Variants in AMOTL1 observed in about 807,000 individuals in gnomAD.
AMOTL1 encodes the protein angiomotin like 1.
AMOTL1 carries 45 observed loss-of-function variants against 102.9 expected under a neutral mutation model. That is an observed-to-expected ratio of 0.44 (90% confidence interval 0.34 to 0.56). AMOTL1 has a LOEUF of 0.56. Ranked by LOEUF, AMOTL1 falls within the 20% of genes least tolerant of loss-of-function variation. The probability of loss-of-function intolerance (pLI) is 0.01; values close to 1 mark genes in which losing one functional copy is unlikely to be tolerated. For missense variants in AMOTL1, 1,114 were observed against 1,225.6 expected (o/e 0.91, Z 1.36); for synonymous variants, 481 against 484.7 (o/e 0.99, Z 0.10).
chr11:94,728,758 A>C (rs950398543), intron 1 of AMOTL1, among the ~76,000 whole-genome samples: 4 of 152,202 alleles, frequency 2.6e-5, no homozygotes, highest in African/African-American at 7.2e-5. Context: ...GGGCTTGAGC[A>C]ACTTCACACT....
At chr11:94,770,048 T>C (rs1267362623) in intron 1 of AMOTL1, among the ~76,000 whole-genome samples, 6 of 152,158 alleles carry the variant, frequency 3.9e-5, no homozygotes, top group African/African-American at 1.4e-4. Flanking sequence ...GCTTGAAATA[T>C]TAAACAATCA....
chr11:94,787,620 G>A (rs1204560878), intron 1 of AMOTL1, among the ~76,000 whole-genome samples: 3 of 139,854 alleles, frequency 2.1e-5, no homozygotes, highest in African/African-American at 5.3e-5. Flanking sequence ...CCCGGGAGGC[G>A]GAGCTTGCAG....
At chr11:94,802,371 T>G (rs1565358611) in intron 3 of AMOTL1, among the ~76,000 whole-genome samples, 1 of 152,224 alleles carries the variant, frequency 6.6e-6, no homozygotes, top group Non-Finnish European at 1.5e-5. Context: ...CCTCTAGAGC[T>G]TGATAGAGGG....
At chr11:94,753,825 A>G (rs1950687663) in intron 3 of AMOTL1, among the ~76,000 whole-genome samples, 1 of 152,222 alleles carries the variant, frequency 6.6e-6, no homozygotes, top group African/African-American at 2.4e-5. Context: ...TGACTCACTC[A>G]CAATACTGCC....
At position 94,850,065 on chromosome 11, in the gene AMOTL1, G is replaced by T. The variant is rs751321856; in HGVS notation, c.1649-49G>T. 3.2e-6 allele frequency: 5 copies of T among 1,549,316 alleles called. No individual in the cohort carries two copies. The South Asian group carries it at 6.0e-5, about 19-fold the overall frequency. ...GATGTCGACTGGCCGTGAGCCCAGAGGGTGTGCAATTTCTGATAGAGGTAG... is the reference window on the plus strand; with the variant it reads ...GATGTCGACTGGCCGTGAGCCCAGATGGTGTGCAATTTCTGATAGAGGTAG... On this transcript the variant is annotated intron_variant, in intron 6 of 12. Coordinates refer to ENST00000433060, the MANE Select transcript of AMOTL1 (RefSeq NM_130847.3).
Position 94,830,924 on chromosome 11 carries a change from G to A in AMOTL1, c.1559-528G>A, listed in dbSNP as rs376737203. Among the ~76,000 whole-genome samples, 46 of 152,262 alleles carry A rather than the reference G, an allele frequency of 3.0e-4. No homozygotes were observed. The East Asian group carries it at 7.9e-3, about 26-fold the overall frequency. On this transcript the variant is annotated intron_variant, in intron 5 of 12. Transcript: ENST00000433060. ...GCATCCAGTGAATACTTGTTGAGTTGGATTATTTATTGAATAATTAAAGAT... is the reference window on the plus strand; with the variant it reads ...GCATCCAGTGAATACTTGTTGAGTTAGATTATTTATTGAATAATTAAAGAT...
At chr11:94,755,429 T>G (rs1950710463) in intron 3 of AMOTL1, among the ~76,000 whole-genome samples, 1 of 152,166 alleles carries the variant, frequency 6.6e-6, no homozygotes, top group African/African-American at 2.4e-5. Flanking sequence ...TGCTAGAACA[T>G]CTTCTGAGCA....
chr11:94,724,410 G>A (rs144896187), intron 1 of AMOTL1, among the ~76,000 whole-genome samples: 2 of 152,266 alleles, frequency 1.3e-5, no homozygotes, highest in Non-Finnish European at 2.9e-5. Context: ...GTTAAAAAAT[G>A]TAATGGGCTA....
intron 1 of AMOTL1, among the ~76,000 whole-genome samples, chr11:94,776,236 G>A (rs1246460704): frequency 2.0e-5 from 3 of 152,184 alleles, no homozygotes; most frequent in Admixed American, 2.0e-4. Flanking sequence ...TGTCTCCTTT[G>A]AAAGTGTTCT....
chr11:94,761,021 G>A (rs1487878232), intron 3 of AMOTL1, among the ~76,000 whole-genome samples: 4 of 151,962 alleles, frequency 2.6e-5, no homozygotes, highest in African/African-American at 7.3e-5. Flanking sequence ...CGATCTTCCC[G>A]TCTTGGCCTC....
intron 4 of AMOTL1, among the ~76,000 whole-genome samples, chr11:94,828,591 T>G (rs1437453226): frequency 6.6e-6 from 1 of 152,178 alleles, no homozygotes; most frequent in Non-Finnish European, 1.5e-5. Flanking sequence ...CTTTGTAATA[T>G]TTACAGGCCA....
intron 8 of AMOTL1, 95 bp downstream of exon 8, chr11:94,854,177 C>G: frequency 7.2e-7 from 1 of 1,398,268 alleles, no homozygotes; most frequent in Non-Finnish European, 9.4e-7. Context: ...GCACCTTGCT[C>G]CCAGGATTCA....
chr11:94,756,336 C>A (rs1017386229), intron 3 of AMOTL1, among the ~76,000 whole-genome samples: 37 of 152,212 alleles, frequency 2.4e-4, no homozygotes, highest in Admixed American at 2.1e-3. Context: ...TTGCCAGGGA[C>A]CCCGCCCTTC....
At chr11:94,777,953 T>C (rs1327450346) in intron 1 of AMOTL1, among the ~76,000 whole-genome samples, 1 of 152,206 alleles carries the variant, frequency 6.6e-6, no homozygotes, top group Non-Finnish European at 1.5e-5. Context: ...TGCCAGGAAC[T>C]GGGCTAGGTG....
chr11:94,739,035 G>C (rs1950479724), intron 2 of AMOTL1, among the ~76,000 whole-genome samples: 1 of 152,228 alleles, frequency 6.6e-6, no homozygotes. Context: ...TGGGAAAAGT[G>C]ACAGTGAATC....
chr11:94,793,793 T>A (rs1447208167), intron 1 of AMOTL1, among the ~76,000 whole-genome samples: 1 of 152,266 alleles, frequency 6.6e-6, no homozygotes, highest in African/African-American at 2.4e-5. Flanking sequence ...TATAGTATCA[T>A]CCGTACTCGG....
At chr11:94,740,832 G>A in intron 2 of AMOTL1, 1 of 931,812 alleles carries the variant, frequency 1.1e-6, no homozygotes, top group Non-Finnish European at 1.5e-6. Context: ...CGCTGGGAGA[G>A]AGAAGCCCGC....
chr11:94,846,816 T>A (rs1952423478), intron 6 of AMOTL1, among the ~76,000 whole-genome samples: 1 of 152,194 alleles, frequency 6.6e-6, no homozygotes, highest in Non-Finnish European at 1.5e-5. Context: ...CCCTTTTTTT[T>A]AGTGGCATTT....
intron 4 of AMOTL1, among the ~76,000 whole-genome samples, chr11:94,827,326 A>G (rs1565370317): frequency 6.6e-6 from 1 of 152,208 alleles, no homozygotes; most frequent in East Asian, 1.9e-4. Context: ...CACCACTCTC[A>G]TGGTGGATGC....
Sources: allele counts gnomAD v4.1 joint callset (sites outside exome capture counted in the v4.1 genomes callset), GRCh38; gene constraint gnomAD v4.1.1; transcripts MANE v1.5; gene names NCBI Gene and HGNC (gene_info 2026-07-23, HGNC 2026-07-21).